The following SPECC1L variants were observed in gnomAD, a reference collection of about 807,000 sequenced individuals.
SPECC1L encodes cytospin-A.
Under a neutral mutation model 116.8 loss-of-function variants are expected in SPECC1L, and 40 were observed. That is an observed-to-expected ratio of 0.34 (90% confidence interval 0.27 to 0.45). The LOEUF (loss-of-function observed/expected upper bound fraction) is 0.45, where lower values mean the gene tolerates loss of function less well. SPECC1L is among the 20% of genes least tolerant of loss of function. SPECC1L has a pLI of 1.00. For synonymous variants in SPECC1L, 504 were observed against 500.6 expected, an observed-to-expected ratio of 1.01 and a Z score of -0.09; for missense variants, 1,110 against 1,373.6, an observed-to-expected ratio of 0.81 and a Z score of 3.03.
At chr22:24,348,876 C>T (rs2041358306) in intron 11 of SPECC1L, among the ~76,000 whole-genome samples, 1 of 152,150 alleles carries the variant, frequency 6.6e-6, no homozygotes, top group Non-Finnish European at 1.5e-5. Context: ...TGTCCCCAGC[C>T]CAGCCAGTTC....
intron 11 of SPECC1L, among the ~76,000 whole-genome samples, chr22:24,351,594 A>C (rs1291522451): frequency 2.0e-5 from 3 of 152,284 alleles, no homozygotes; most frequent in Non-Finnish European, 4.4e-5. Context: ...TACAGGAGAA[A>C]GGAAACACAC....
intron 1 of SPECC1L, among the ~76,000 whole-genome samples, chr22:24,271,684 A>G (rs2048730437): frequency 6.6e-6 from 1 of 152,262 alleles, no homozygotes; most frequent in African/African-American, 2.4e-5. Flanking sequence ...ACGAAAAGAA[A>G]TCAGTTTCCA....
At chr22:24,350,089 C>T (rs936390896) in intron 11 of SPECC1L, among the ~76,000 whole-genome samples, 1 of 152,046 alleles carries the variant, frequency 6.6e-6, no homozygotes, top group Non-Finnish European at 1.5e-5. Context: ...TGGGCATGCT[C>T]CTGACTTAGA....
intron 14 of SPECC1L, among the ~76,000 whole-genome samples, chr22:24,383,664 CAG>C (rs2042101790): frequency 1.3e-5 from 2 of 151,896 alleles, no homozygotes; most frequent in African/African-American, 4.8e-5. Context: ...TTTTTTGAGA[CAG>C]AGTTTCATTC....
chr22:24,394,645 T>C (rs1329645425), intron 14 of SPECC1L, among the ~76,000 whole-genome samples: 1 of 152,222 alleles, frequency 6.6e-6, no homozygotes, highest in Non-Finnish European at 1.5e-5. Context: ...CCCTGTCACT[T>C]TACCACCAGC....
intron 14 of SPECC1L, among the ~76,000 whole-genome samples, chr22:24,374,655 A>G (rs2041937602): frequency 6.6e-6 from 1 of 150,826 alleles, no homozygotes; most frequent in South Asian, 2.1e-4. Context: ...GGATAGCATT[A>G]GGAGATATAC....
chr22:24,336,813 A>G (rs1181251849), intron 9 of SPECC1L, among the ~76,000 whole-genome samples: 1 of 152,222 alleles, frequency 6.6e-6, no homozygotes, highest in Admixed American at 6.5e-5. Context: ...AGATAATCAG[A>G]CAAATACAGT....
intron 6 of SPECC1L, 51 bp downstream of exon 6, chr22:24,324,478 C>A (rs369515461): frequency 5.3e-6 from 8 of 1,505,492 alleles, no homozygotes; most frequent in Non-Finnish European, 6.4e-6. Flanking sequence ...TTTAAACATG[C>A]GGGGATAATT....
chr22:24,330,696 C>T (rs1159290465), intron 8 of SPECC1L, among the ~76,000 whole-genome samples: 2 of 152,154 alleles, frequency 1.3e-5, no homozygotes, highest in Non-Finnish European at 2.9e-5. Flanking sequence ...TCCTTTCCCC[C>T]AGACCCACAG....
intron 11 of SPECC1L, among the ~76,000 whole-genome samples, chr22:24,355,236 T>C (rs145820237): frequency 9.1e-4 from 127 of 138,838 alleles, no homozygotes; most frequent in Non-Finnish European, 1.4e-3. Context: ...TGAGCCAGGA[T>C]CGTGCCACTG....
chr22:24,376,910 TG>T (rs2041982425), intron 14 of SPECC1L, among the ~76,000 whole-genome samples: 1 of 151,982 alleles, frequency 6.6e-6, no homozygotes, highest in Non-Finnish European at 1.5e-5. Flanking sequence ...AGTGGGTTTT[TG>T]TTTTTTTTTT....
chr22:24,306,262 C>T (rs559432955), intron 3 of SPECC1L, among the ~76,000 whole-genome samples: 1 of 151,930 alleles, frequency 6.6e-6, no homozygotes, highest in African/African-American at 2.4e-5. Context: ...TATGAAGTGC[C>T]TGTTCAAGTC....
intron 11 of SPECC1L, among the ~76,000 whole-genome samples, chr22:24,351,233 A>T (rs1267825439): frequency 6.6e-6 from 1 of 152,192 alleles, no homozygotes; most frequent in Admixed American, 6.5e-5. Context: ...AGATCTAATG[A>T]TGTAGACTCA....
In SPECC1L at chr22:24,383,792, A is replaced by ATTTTTTTTT. The variant is rs538972717; in HGVS notation, c.3087+14504_3087+14512dup. Among the ~76,000 whole-genome samples the ATTTTTTTTT allele has an allele frequency of 1.1e-3, 88 of 77,302 alleles. 8 individuals are homozygous for ATTTTTTTTT. Among genetic ancestry groups the ATTTTTTTTT allele is most frequent in the South Asian group, 1.7e-3 (3 of 1,798 alleles). 50.7% of individuals were successfully genotyped at this position (77,302 alleles called of 152,430 possible). ...GCTGGGATTACAGGCACCCACCACT[A>ATTTTTTTTT]TTTTTTTTTTTTTTTTTTTTTTTTT... On this transcript the variant is annotated intron_variant, in intron 14 of 16. Coordinates refer to ENST00000314328, the MANE Select transcript of SPECC1L (RefSeq NM_015330.6).
chr22:24,311,997 C>G (rs2040471196), intron 3 of SPECC1L, among the ~76,000 whole-genome samples: 1 of 151,842 alleles, frequency 6.6e-6, no homozygotes. Flanking sequence ...GGGACAGGGT[C>G]TCACTCTGTT....
At chr22:24,316,774 A>G (rs1339033071) in intron 4 of SPECC1L, among the ~76,000 whole-genome samples, 4 of 148,418 alleles carry the variant, frequency 2.7e-5, no homozygotes, top group South Asian at 2.2e-4. Flanking sequence ...ATCATGGCCC[A>G]TTCTCAATGA....
At chr22:24,303,371 G>A (rs1248227168) in intron 3 of SPECC1L, among the ~76,000 whole-genome samples, 1 of 152,200 alleles carries the variant, frequency 6.6e-6, no homozygotes, top group Admixed American at 6.5e-5. Context: ...CTGTGACCTG[G>A]AGGATGGTGC....
At chr22:24,380,507 C>T (rs1419524224) in intron 14 of SPECC1L, among the ~76,000 whole-genome samples, 1 of 152,200 alleles carries the variant, frequency 6.6e-6, no homozygotes, top group Non-Finnish European at 1.5e-5. Context: ...GATAGATTCC[C>T]TAATACCCAT....
At chr22:24,275,888 T>A (rs2048827305) in intron 1 of SPECC1L, among the ~76,000 whole-genome samples, 1 of 152,080 alleles carries the variant, frequency 6.6e-6, no homozygotes, top group South Asian at 2.1e-4. Context: ...TTACAAAAAT[T>A]GTTTTTGAGA....
Sources: gnomAD v4.1 joint callset for allele counts (sites outside exome capture counted in the v4.1 genomes callset) on GRCh38, gnomAD v4.1.1 for gene constraint, MANE v1.5 for transcripts, NCBI Gene and HGNC (gene_info 2026-07-23, HGNC 2026-07-21) for gene names.